The following RERE variants were observed in gnomAD, a reference collection of about 807,000 sequenced individuals.
RERE encodes the protein arginine-glutamic acid dipeptide repeats protein.
A neutral mutation model predicts 146.1 loss-of-function variants in RERE; 40 were observed. The ratio of observed to expected loss-of-function variants is 0.27; its 90% CI spans 0.21 to 0.36. The LOEUF (loss-of-function observed/expected upper bound fraction) is 0.36. Among genes scored for constraint, RERE ranks in the 10% least tolerant of loss-of-function variants. The pLI, the probability that RERE is intolerant of heterozygous loss-of-function variation, is 1.00. For missense variants in RERE, 1,933 were observed against 2,138.7 expected (o/e 0.90, Z 1.90); for synonymous variants, 1,003 against 866.0 (o/e 1.16, Z -2.78).
rs186172683 is a variant in RERE, at chr1:8,694,586, C to T, written c.-144-38145G>A. Among the ~76,000 whole-genome samples, 250 of 152,134 alleles carry T rather than the reference C, an allele frequency of 1.6e-3. 1 individual carries two copies. Among genetic ancestry groups the T allele is most frequent in the African/African-American group, 5.6e-3 (231 of 41,502 alleles). Reference sequence around the variant, plus strand: ...CCAGCCTGATCAATATGGTGAAACCCCATCTCTACTAAAAATACAAAAATT... The same window carrying T: ...CCAGCCTGATCAATATGGTGAAACCTCATCTCTACTAAAAATACAAAAATT... On this transcript the variant is annotated intron_variant, in intron 1 of 22. Coordinates refer to ENST00000400908, the MANE Select transcript of RERE (RefSeq NM_001042681.2).
At chr1:8,770,344 G>A (rs1214481313) in intron 1 of RERE, among the ~76,000 whole-genome samples, 1 of 152,112 alleles carries the variant, frequency 6.6e-6, no homozygotes, top group African/African-American at 2.4e-5. Flanking sequence ...ACTGTAAGGG[G>A]TCATTCCCCA....
chr1:8,669,828 C>T (rs1311944404), intron 1 of RERE, among the ~76,000 whole-genome samples: 1 of 152,134 alleles, frequency 6.6e-6, no homozygotes, highest in Admixed American at 6.5e-5. Context: ...AACCATGGCA[C>T]ATAAGCTCTC....
At chr1:8,650,617 G>A (rs1647565160) in intron 2 of RERE, among the ~76,000 whole-genome samples, 1 of 151,956 alleles carries the variant, frequency 6.6e-6, no homozygotes. Context: ...ACAAAAATTA[G>A]GCCAGGAGCA....
intron 12 of RERE, among the ~76,000 whole-genome samples, chr1:8,367,344 G>A (rs1443361297): frequency 6.6e-6 from 1 of 152,208 alleles, no homozygotes. Flanking sequence ...GCCGTGCCTT[G>A]AGTACTTGAC....
At chr1:8,579,361 C>T (rs1244075864) in intron 4 of RERE, among the ~76,000 whole-genome samples, 3 of 152,076 alleles carry the variant, frequency 2.0e-5, no homozygotes, top group South Asian at 2.1e-4. Flanking sequence ...ACAATATTAC[C>T]GTATTCTATA....
Position 8,695,095 on chromosome 1 carries a change from T to C in RERE, c.-144-38654A>G, listed in dbSNP as rs200661054. The stretch of plus-strand genomic sequence containing the variant: ...AGACACATAGACCAATGAAACAGAA[T>C]AGAGAACCTACAAATAAAGTCATAA... On this transcript the variant is annotated intron_variant, in intron 1 of 22. Coordinates refer to ENST00000400908, the MANE Select transcript of RERE (RefSeq NM_001042681.2). 1.2e-4 allele frequency among the ~76,000 whole-genome samples: 17 copies of C among 147,696 alleles called. No individual in the cohort carries two copies. In the East Asian group the frequency reaches 3.2e-3, roughly 28 times the overall value.
intron 1 of RERE, among the ~76,000 whole-genome samples, chr1:8,739,276 G>A (rs1281593433): frequency 5.9e-5 from 9 of 152,210 alleles, no homozygotes; most frequent in Non-Finnish European, 7.3e-5. Flanking sequence ...CTCTAGGGCT[G>A]AGATCCAGAC....
rs189700806 is a variant in RERE at position 8,365,642 on chromosome 1, C to T, written c.1447+170G>A. Among the ~76,000 whole-genome samples, 32 of 152,292 alleles carry T rather than the reference C, an allele frequency of 2.1e-4. No homozygotes were observed. In the East Asian group the frequency reaches 5.4e-3, roughly 26 times the overall value. ...CCTCCTGAATCCTTGTCCTGCTCCC[C>T]GCCCCCACCATCGGTCTATGTTTAG... is the stretch of plus-strand genomic sequence containing the variant. On this transcript the variant is annotated intron_variant, in intron 13 of 22. Transcript: ENST00000400908.
At chr1:8,759,467 A>C (rs975665491) in intron 1 of RERE, among the ~76,000 whole-genome samples, 1 of 152,198 alleles carries the variant, frequency 6.6e-6, no homozygotes, top group African/African-American at 2.4e-5. Flanking sequence ...CAAAAAGGGG[A>C]ATAAAAGACA....
At chr1:8,607,677 C>T (rs1372667218) in intron 4 of RERE, among the ~76,000 whole-genome samples, 1 of 145,838 alleles carries the variant, frequency 6.9e-6, no homozygotes, top group African/African-American at 2.5e-5. Context: ...TCCCAAGTAG[C>T]TGGTACTAGA....
At position 8,786,251 on chromosome 1, in the gene RERE, T is replaced by G. The variant is rs1641256826; in HGVS notation, c.-145+30909A>C. The G allele has an allele frequency of 4.1e-6, 4 of 983,498 alleles. No individual in the cohort carries two copies. In the East Asian group the frequency reaches 1.1e-4, roughly 26 times the overall value. 60.9% of individuals were successfully genotyped at this position (983,498 alleles called of 1,614,324 possible). On this transcript the variant is annotated intron_variant, in intron 1 of 22. Transcript: ENST00000400908. ...TCTGGTCCTCCCTGTTGCCAGCATC[T>G]CCACCTTCTACAAAATGGGTGGTTT...
intron 1 of RERE, among the ~76,000 whole-genome samples, chr1:8,721,474 G>T (rs1639862790): frequency 2.0e-5 from 3 of 152,006 alleles, no homozygotes; most frequent in Non-Finnish European, 4.4e-5. Context: ...ACCACACCCA[G>T]CTAATTTTTT....
At chr1:8,675,820 C>T (rs1355604137) in intron 1 of RERE, among the ~76,000 whole-genome samples, 1 of 151,926 alleles carries the variant, frequency 6.6e-6, no homozygotes, top group East Asian at 1.9e-4. Context: ...ATGCTTGGGA[C>T]CAGAGCAGTT....
At chr1:8,510,286 A>G (rs367563325) in intron 7 of RERE, among the ~76,000 whole-genome samples, 2 of 152,204 alleles carry the variant, frequency 1.3e-5, no homozygotes, top group South Asian at 2.1e-4. Flanking sequence ...GGCGGCTTCA[A>G]GAGAAGACAC....
Position 8,474,500 on chromosome 1 carries a change from C to T in RERE, c.1105-8477G>A, listed in dbSNP as rs75621194. On this transcript the variant is annotated intron_variant, in intron 10 of 22. Transcript: ENST00000400908. The stretch of plus-strand genomic sequence containing the variant: ...TCTCAGGCAGTCTTATTAGCATAAA[C>T]TCTGCGTATTACCACAAGGTTTCAA... Among the ~76,000 whole-genome samples the T allele has an allele frequency of 4.3e-3, 652 of 152,320 alleles. 2 individuals carry two copies. Among genetic ancestry groups the T allele is most frequent in the Non-Finnish European group, 6.4e-3 (434 of 68,028 alleles).
At position 8,502,601 on chromosome 1, in the gene RERE, T is replaced by C. The variant is rs953511136; in HGVS notation, c.880-5072A>G. ...TCTGGGAGGTGTGCCCAGCGGCTCA[T>C]TGGGGATGGGCCATGATGACAATGG... On this transcript the variant is annotated intron_variant, in intron 8 of 22. Coordinates refer to ENST00000400908, the MANE Select transcript of RERE (RefSeq NM_001042681.2). Among the ~76,000 whole-genome samples, 917 of 147,884 alleles carry C rather than the reference T, an allele frequency of 6.2e-3. 12 individuals carry two copies. Among genetic ancestry groups the C allele is most frequent in the African/African-American group, 0.021 (836 of 39,566 alleles).
intron 11 of RERE, among the ~76,000 whole-genome samples, chr1:8,440,159 A>C (rs1202802856): frequency 6.6e-6 from 1 of 152,244 alleles, no homozygotes; most frequent in African/African-American, 2.4e-5. Context: ...GCATCCTTCC[A>C]TGAAACCACT....
intron 7 of RERE, among the ~76,000 whole-genome samples, chr1:8,526,858 G>A (rs770398400): frequency 6.6e-6 from 1 of 152,180 alleles, no homozygotes; most frequent in African/African-American, 2.4e-5. Flanking sequence ...AGCTTTGGAT[G>A]TGCAGGCTTA....
intron 2 of RERE, among the ~76,000 whole-genome samples, chr1:8,645,809 A>G (rs1395601741): frequency 1.3e-5 from 2 of 152,174 alleles, no homozygotes; most frequent in East Asian, 1.9e-4. Flanking sequence ...CTCTATCCTC[A>G]CGAAGTAATA....
Sources: gnomAD v4.1 joint callset for allele counts (sites outside exome capture counted in the v4.1 genomes callset) on GRCh38, gnomAD v4.1.1 for gene constraint, MANE v1.5 for transcripts, NCBI Gene and HGNC (gene_info 2026-07-23, HGNC 2026-07-21) for gene names.